The following LMBR1 variants were observed in gnomAD, a reference collection of about 807,000 sequenced individuals.
LMBR1 encodes the protein limb development membrane protein 1.
Under a neutral mutation model 73.9 loss-of-function variants are expected in LMBR1, and 52 were observed. That is an observed-to-expected ratio of 0.70 (90% CI 0.56 to 0.89). LMBR1 has a LOEUF of 0.89. Ranked by LOEUF, LMBR1 falls within the 40% of genes least tolerant of loss-of-function variation. The pLI is 0.00. For synonymous variants in LMBR1, 215 were observed against 209.4 expected, an observed-to-expected ratio of 1.03 and a Z score of -0.23; for missense variants, 539 against 579.8, an observed-to-expected ratio of 0.93 and a Z score of 0.72.
At chr7:156,844,414 G>C (rs747092883) in intron 1 of LMBR1, among the ~76,000 whole-genome samples, 1 of 152,138 alleles carries the variant, frequency 6.6e-6, no homozygotes, top group Non-Finnish European at 1.5e-5. Context: ...TGTGTTTCTA[G>C]TTTCAAAAGT....
intron 4 of LMBR1, among the ~76,000 whole-genome samples, chr7:156,814,659 G>A (rs560436268): frequency 1.2e-3 from 178 of 152,278 alleles, no homozygotes; most frequent in South Asian, 2.7e-3. Context: ...AGCTAAGTGC[G>A]TAGCACTTTA....
At chr7:156,737,428 T>C (rs557657740) in intron 9 of LMBR1, among the ~76,000 whole-genome samples, 123 of 152,268 alleles carry the variant, frequency 8.1e-4, no homozygotes, top group African/African-American at 1.5e-3. Context: ...ATGTACTGTG[T>C]TGGGCACTAG....
chr7:156,837,410 G>GA (rs1178783598), intron 1 of LMBR1, among the ~76,000 whole-genome samples: 2,785 of 122,546 alleles, frequency 0.023, 64 homozygotes, highest in African/African-American at 0.069. Flanking sequence ...AATACCATTT[G>GA]AAAAAAAAAA....
chr7:156,761,464 C>T (rs1175188746), intron 8 of LMBR1, among the ~76,000 whole-genome samples: 1 of 152,048 alleles, frequency 6.6e-6, no homozygotes, highest in Non-Finnish European at 1.5e-5. Flanking sequence ...AGAAATATAA[C>T]CATTTTGTAA....
At chr7:156,879,387 G>A (rs182290920) in intron 1 of LMBR1, among the ~76,000 whole-genome samples, 23 of 152,198 alleles carry the variant, frequency 1.5e-4, no homozygotes, top group Non-Finnish European at 2.9e-4. Context: ...CTAACTGGCC[G>A]GGCACGGTGG....
chr7:156,743,769 T>A (rs1196074823), intron 9 of LMBR1, among the ~76,000 whole-genome samples: 1 of 152,232 alleles, frequency 6.6e-6, no homozygotes, highest in African/African-American at 2.4e-5. Context: ...ATACTTTTCA[T>A]TATAATATCA....
chr7:156,836,434 T>G (rs969689865), intron 2 of LMBR1, among the ~76,000 whole-genome samples: 19 of 152,222 alleles, frequency 1.2e-4, no homozygotes, highest in African/African-American at 4.6e-4. Flanking sequence ...ATGGAGACTC[T>G]AAATATCTAC....
rs999294493 is a variant in LMBR1, at chr7:156,782,527, T to C, written c.423+13862A>G. 1.9e-4 allele frequency among the ~76,000 whole-genome samples: 29 copies of C among 152,140 alleles called. 1 individual carries two copies. The highest frequency in any genetic ancestry group is 1.1e-3 in the Admixed American group (17 of 15,276). On this transcript the variant is annotated intron_variant, in intron 5 of 16. Coordinates refer to ENST00000353442, the MANE Select transcript of LMBR1 (RefSeq NM_022458.4). ...AGTCATCCTACTAGGAGGTATCTCA[T>C]TGCAGTTTTGTTTGTTTGTTTGTTT...
intron 9 of LMBR1, among the ~76,000 whole-genome samples, chr7:156,734,888 C>A (rs1817558787): frequency 6.6e-6 from 1 of 152,166 alleles, no homozygotes; most frequent in Non-Finnish European, 1.5e-5. Flanking sequence ...ACATATGTAT[C>A]ATATGCATGG....
At chr7:156,729,791 G>A (rs1816499444) in intron 10 of LMBR1, among the ~76,000 whole-genome samples, 1 of 152,068 alleles carries the variant, frequency 6.6e-6, no homozygotes, top group Non-Finnish European at 1.5e-5. Context: ...TTTTCCCAAA[G>A]ATAAGCACTT....
chr7:156,811,242 G>GT (rs11449799), intron 4 of LMBR1, among the ~76,000 whole-genome samples: 62,148 of 151,818 alleles, frequency 0.41, 12,963 homozygotes, highest in East Asian at 0.6. Flanking sequence ...CTAGAATTTT[G>GT]TTTTTTTACA....
chr7:156,821,832 T>C (rs1225577064), intron 4 of LMBR1, among the ~76,000 whole-genome samples: 1 of 152,156 alleles, frequency 6.6e-6, no homozygotes, highest in East Asian at 1.9e-4. Context: ...ACCATGATGG[T>C]AGGGACGGAG....
chr7:156,863,605 T>A (rs948875359), intron 1 of LMBR1, among the ~76,000 whole-genome samples: 1 of 152,170 alleles, frequency 6.6e-6, no homozygotes, highest in Non-Finnish European at 1.5e-5. Flanking sequence ...TCCAAACAGT[T>A]TTCTTAGGGG....
At chr7:156,717,312 A>G (rs76575339) in intron 15 of LMBR1, among the ~76,000 whole-genome samples, 7,731 of 152,266 alleles carry the variant, frequency 0.051, 659 homozygotes, top group African/African-American at 0.18. Context: ...GAGAGAAATG[A>G]CAGGTTCTGT....
chr7:156,808,409 GCT>G (rs1229393949), intron 4 of LMBR1, among the ~76,000 whole-genome samples: 1 of 151,984 alleles, frequency 6.6e-6, no homozygotes, highest in Non-Finnish European at 1.5e-5. Context: ...CTCCAACTTT[GCT>G]CTGTTTAAAA....
intron 5 of LMBR1, among the ~76,000 whole-genome samples, chr7:156,764,568 T>C (rs1304953595): frequency 7.2e-5 from 11 of 152,214 alleles, no homozygotes; most frequent in Non-Finnish European, 1.0e-4. Flanking sequence ...AGTTAAAGCA[T>C]CATATTGATA....
At chr7:156,697,998 C>T (rs920207220) in intron 15 of LMBR1, among the ~76,000 whole-genome samples, 2 of 152,178 alleles carry the variant, frequency 1.3e-5, no homozygotes, top group Non-Finnish European at 2.9e-5. Context: ...ATTCGTGGTC[C>T]GTGACTTCCC....
chr7:156,779,892 C>T (rs1826821160), intron 5 of LMBR1, among the ~76,000 whole-genome samples: 1 of 152,164 alleles, frequency 6.6e-6, no homozygotes, highest in South Asian at 2.1e-4. Flanking sequence ...GTTTGCTCAG[C>T]ATGGCATCAA....
intron 1 of LMBR1, among the ~76,000 whole-genome samples, chr7:156,866,172 A>G (rs1798425503): frequency 6.6e-6 from 1 of 152,186 alleles, no homozygotes; most frequent in Non-Finnish European, 1.5e-5. Flanking sequence ...CTTGGAAGTC[A>G]TATGTCTGAT....
Sources: gnomAD v4.1 joint callset for allele counts (sites outside exome capture counted in the v4.1 genomes callset) on GRCh38, gnomAD v4.1.1 for gene constraint, MANE v1.5 for transcripts, NCBI Gene and HGNC (gene_info 2026-07-23, HGNC 2026-07-21) for gene names.